FGF13: variants seen among roughly 807,000 people sequenced by gnomAD.
FGF13 encodes the protein fibroblast growth factor homologous factor 2.
FGF13 carries 2 observed loss-of-function variants against 19.5 expected under a neutral mutation model. The ratio of observed to expected loss-of-function variants is 0.10; its 90% CI spans 0.04 to 0.32. The LOEUF (loss-of-function observed/expected upper bound fraction) is 0.32. FGF13 is among the 10% of genes least tolerant of loss of function. FGF13 has a pLI of 1.00. For missense variants in FGF13, 113 were observed against 192.7 expected, an observed-to-expected ratio of 0.59 and a Z score of 2.45; for synonymous variants, 72 against 76.9, an observed-to-expected ratio of 0.94 and a Z score of 0.33.
At position 138,616,962 on chromosome X, in the gene FGF13, G is replaced by C. The variant is rs772955975; in HGVS notation, c.*15888C>G. 5 of 103,552 alleles carry C rather than the reference G, an allele frequency of 4.8e-5. No homozygotes were observed. The South Asian group carries it at 1.1e-3, about 23-fold the overall frequency. The allele number at this position is 103,552 out of a possible 1,213,427, so 8.5% of individuals were successfully genotyped here. On this transcript the variant is annotated 3_prime_UTR_variant, in exon 5 of 5. Transcript: ENST00000315930. ...ATGTTTCAAGGCTGCAAAGAGCAAG[G>C]GGGGGTGCCTGAGGCCTGGCCCACT...
At position 139,010,020 on chromosome X, in the gene FGF13, A is replaced by G. The variant is rs182183571; in HGVS notation, c.-112-145370T>C. Among the ~76,000 whole-genome samples the G allele has an allele frequency of 4.0e-4, 45 of 112,257 alleles. 1 individual carries two copies. The South Asian group carries it at 0.011, about 28-fold the overall frequency. The stretch of plus-strand genomic sequence containing the variant: ...GGAGTAGTTATTCTTATATCAGACT[A>G]AACAAACTTTAAAGCAACAGCAATC... On this transcript the variant is annotated intron_variant, in intron 1 of 2. Transcript: ENST00000421460.
At chrX:138,840,948 G>T (rs768658693) in intron 3 of FGF13, among the ~76,000 whole-genome samples, 2 of 111,342 alleles carry the variant, frequency 1.8e-5, no homozygotes, top group South Asian at 7.7e-4. Context: ...GCACTAAAAG[G>T]AAGAGTTAAC....
chrX:138,848,050 C>T (rs1602952104), intron 3 of FGF13, among the ~76,000 whole-genome samples: 1 of 112,348 alleles, frequency 8.9e-6, no homozygotes, highest in African/African-American at 3.2e-5. Flanking sequence ...TTGCAAGCTG[C>T]ATCAGATTCT....
At chrX:138,888,386 G>A (rs2091461253) in intron 1 of FGF13, among the ~76,000 whole-genome samples, 1 of 111,056 alleles carries the variant, frequency 9.0e-6, no homozygotes, top group Non-Finnish European at 1.9e-5. Context: ...CTTGTCTTTG[G>A]ACTCTCACTA....
intron 1 of FGF13, among the ~76,000 whole-genome samples, chrX:138,892,002 A>ATATATGTATGTGTGTGTG (rs756839627): frequency 2.0e-4 from 18 of 90,369 alleles, no homozygotes; most frequent in African/African-American, 7.2e-4. Flanking sequence ...ATATATACAT[A>ATATATGTATGTGTGTGTG]TGTGTGTGTG....
At chrX:138,844,069 T>C (rs1429875971) in intron 3 of FGF13, among the ~76,000 whole-genome samples, 2 of 112,455 alleles carry the variant, frequency 1.8e-5, no homozygotes, top group Non-Finnish European at 3.8e-5. Context: ...AAACGTTCAC[T>C]GCTAGACAAG....
intron 1 of FGF13, among the ~76,000 whole-genome samples, chrX:139,128,325 C>A (rs1034293089): frequency 9.0e-6 from 1 of 111,708 alleles, no homozygotes; most frequent in Non-Finnish European, 1.9e-5. Flanking sequence ...TCTCTAAAGG[C>A]CTAGAATGCA....
At chrX:139,146,527 G>A (rs1381720185) in intron 1 of FGF13, among the ~76,000 whole-genome samples, 1 of 112,232 alleles carries the variant, frequency 8.9e-6, no homozygotes, top group Non-Finnish European at 1.9e-5. Flanking sequence ...TGGTGGGACT[G>A]TAAACTAGTT....
At chrX:138,842,402 T>C (rs1213864361) in intron 3 of FGF13, among the ~76,000 whole-genome samples, 2 of 110,440 alleles carry the variant, frequency 1.8e-5, no homozygotes, top group Non-Finnish European at 3.8e-5. Flanking sequence ...ATAATATAAA[T>C]ATATTTATAT....
At chrX:138,796,189 T>C (rs1384443070) in intron 3 of FGF13, among the ~76,000 whole-genome samples, 1 of 110,690 alleles carries the variant, frequency 9.0e-6, no homozygotes, top group Non-Finnish European at 1.9e-5. Flanking sequence ...CCCACATGCA[T>C]TAGGTATTTG....
chrX:139,066,447 T>G (rs2092356744), intron 1 of FGF13, among the ~76,000 whole-genome samples: 1 of 111,463 alleles, frequency 9.0e-6, no homozygotes, highest in Admixed American at 9.5e-5. Flanking sequence ...AAGAATCAAA[T>G]AGACACAACG....
chrX:138,830,216 G>A (rs988511197), intron 3 of FGF13, among the ~76,000 whole-genome samples: 1 of 112,077 alleles, frequency 8.9e-6, no homozygotes, highest in Non-Finnish European at 1.9e-5. Context: ...AAGCCTAGAT[G>A]GCTGTGAATA....
At chrX:139,098,666 T>C (rs771544704) in intron 1 of FGF13, among the ~76,000 whole-genome samples, 2 of 111,361 alleles carry the variant, frequency 1.8e-5, no homozygotes, top group East Asian at 5.7e-4. Context: ...CACTTGTAAG[T>C]GGAAGCTAAA....
At chrX:139,028,582 CGTGTGTGTGTGT>C (rs1203709668) in intron 1 of FGF13, among the ~76,000 whole-genome samples, 4 of 61,603 alleles carry the variant, frequency 6.5e-5, no homozygotes, top group East Asian at 5.9e-4. Context: ...GGAGAGAGAG[CGTGTGTGTGTGT>C]GTGTGTGTGT....
chrX:138,868,592 T>C (rs1156826196), intron 1 of FGF13, among the ~76,000 whole-genome samples: 1 of 110,999 alleles, frequency 9.0e-6, no homozygotes, highest in Admixed American at 9.6e-5. Context: ...CCTATTTTCT[T>C]CTCTCAATCT....
At chrX:138,867,271 T>C (rs1259313168) in intron 1 of FGF13, among the ~76,000 whole-genome samples, 1 of 110,803 alleles carries the variant, frequency 9.0e-6, no homozygotes, top group Admixed American at 9.6e-5. Context: ...TAAAAAATAT[T>C]AGCCAGACAT....
intron 1 of FGF13, among the ~76,000 whole-genome samples, chrX:139,089,532 C>A (rs1456668506): frequency 9.0e-6 from 1 of 111,228 alleles, no homozygotes; most frequent in African/African-American, 3.3e-5. Flanking sequence ...TGGTTATGGG[C>A]TGATATAAAG....
At chrX:139,143,680 G>A (rs751136496) in intron 1 of FGF13, among the ~76,000 whole-genome samples, 14 of 111,397 alleles carry the variant, frequency 1.3e-4, no homozygotes, top group Non-Finnish European at 2.3e-4. Flanking sequence ...CTCTGGACTT[G>A]AAGACAAACT....
At chrX:138,749,322 TACACACACACAC>T (rs34038080) in intron 3 of FGF13, among the ~76,000 whole-genome samples, 244 of 81,668 alleles carry the variant, frequency 3.0e-3, no homozygotes, top group Non-Finnish European at 4.6e-3. Context: ...GAGACCAAAA[TACACACACACAC>T]ACACACACAC....
Sources: gnomAD v4.1 joint callset for allele counts (sites outside exome capture counted in the v4.1 genomes callset) on GRCh38, gnomAD v4.1.1 for gene constraint, MANE v1.5 for transcripts, NCBI Gene and HGNC (gene_info 2026-07-23, HGNC 2026-07-21) for gene names.